PRAG1: variants seen among roughly 807,000 people sequenced by gnomAD.
The protein encoded by PRAG1 is inactive tyrosine-protein kinase PRAG1.
PRAG1 carries 110 observed loss-of-function variants against 95.6 expected under a neutral mutation model. The ratio of observed to expected loss-of-function variants is 1.15; its 90% CI spans 0.99 to 1.35. PRAG1 has a LOEUF of 1.35. PRAG1 is among the 40% of genes most tolerant of loss of function. PRAG1 has a pLI of 0.00. For missense variants in PRAG1, 2,554 were observed against 1,864.7 expected, an observed-to-expected ratio of 1.37 and a Z score of -6.81; for synonymous variants, 1,052 against 819.4, an observed-to-expected ratio of 1.28 and a Z score of -4.85.
At chr8:8,324,669 T>G (rs1188500684) in intron 5 of PRAG1, among the ~76,000 whole-genome samples, 1 of 152,200 alleles carries the variant, frequency 6.6e-6, no homozygotes, top group South Asian at 2.1e-4. Context: ...AGCTCAAGTT[T>G]CTAACGTTTT....
Position 8,318,691 on chromosome 8 carries a change from TG to T in PRAG1, c.3683del (p.Pro1228GlnfsTer130). ...LKAKQKPGGT[P>X]NLQQKKSQAR... Reference sequence around the variant, plus strand: ...CCTGGCTCTTCTTCTGCTGCAGGTTTGGGGTGCCGCCCGGCTTCTGCTTGGC... The same window carrying T: ...CCTGGCTCTTCTTCTGCTGCAGGTTTGGGTGCCGCCCGGCTTCTGCTTGGC... On this transcript the variant is annotated frameshift_variant, in exon 6 of 6. Transcript: ENST00000615670. LOFTEE classifies it high-confidence loss of function. This position sits in a 1 kb window ranked among gnomAD's most constrained non-coding sequence, Gnocchi z 4.2. The T allele has an allele frequency of 6.2e-7, 1 of 1,610,768 alleles. No homozygotes were observed.
At chr8:8,326,630 G>A (rs1037908870) in intron 5 of PRAG1, among the ~76,000 whole-genome samples, 1 of 152,230 alleles carries the variant, frequency 6.6e-6, no homozygotes, top group Non-Finnish European at 1.5e-5. Flanking sequence ...CTCTGACAGT[G>A]CAATACAGTG....
At chr8:8,346,575 A>C (rs866392087) in intron 3 of PRAG1, among the ~76,000 whole-genome samples, 12 of 152,160 alleles carry the variant, frequency 7.9e-5, no homozygotes, top group Non-Finnish European at 1.6e-4. Flanking sequence ...GCTGGAAAAA[A>C]AGACTCCAGC....
In PRAG1 at chr8:8,376,397, C is replaced by G; in HGVS notation, c.2012G>C (p.Trp671Ser). ...GPTDHSNSTT[W>S]HRLHPTDGSS... is the part of the protein sequence containing the mutation. ...GCCATCTGTGGGGTGGAGACGGTGC[C>G]AGGTCGTGGAGTTTGAATGGTCCGT... The change falls in exon 3 of 6, where the codon TGG becomes TCG. Residue 671 changes from tryptophan (W) to serine (S), a missense_variant. Transcript: ENST00000615670. 6.2e-7 allele frequency: 1 copy of G among 1,614,200 alleles called. No individual in the cohort carries two copies. Among genetic ancestry groups the G allele is most frequent in the African/African-American group, 1.3e-5 (1 of 75,048 alleles).
intron 5 of PRAG1, among the ~76,000 whole-genome samples, chr8:8,324,378 A>G (rs1013271850): frequency 6.6e-6 from 1 of 152,232 alleles, no homozygotes; most frequent in Non-Finnish European, 1.5e-5. Flanking sequence ...ATGCATTTCA[A>G]AATCAGTGCA....
At chr8:8,330,051 T>C (rs1381549614) in intron 4 of PRAG1, among the ~76,000 whole-genome samples, 2 of 152,178 alleles carry the variant, frequency 1.3e-5, no homozygotes, top group Admixed American at 1.3e-4. Flanking sequence ...AATATCCTCC[T>C]TGGCTCTATC....
chr8:8,366,382 T>C (rs2979237), intron 3 of PRAG1, among the ~76,000 whole-genome samples: 99,859 of 150,286 alleles, frequency 0.66, 33,309 homozygotes, highest in Non-Finnish European at 0.68. Context: ...GGCATGATCT[T>C]GGCTCACTGC....
Position 8,318,202 on chromosome 8 carries a change from C to G in PRAG1, c.4173G>C (p.Ala1391=), listed in dbSNP as rs202157019. Reference sequence around the variant, plus strand: ...GCGACTGTAAGAGGGCCCCGGGCTCCGCAGACGCCAGGTACTGGCAGCAAA... The same window carrying G: ...GCGACTGTAAGAGGGCCCCGGGCTCGGCAGACGCCAGGTACTGGCAGCAAA... The part of the protein sequence containing the change: ...DWLCCQYLAS[A]EPGALLQSLK... The change falls in exon 6 of 6, where the codon GCG becomes GCC. Residue 1391 remains alanine, a synonymous_variant. Transcript: ENST00000615670. This position sits in a 1 kb window ranked among gnomAD's most constrained non-coding sequence, Gnocchi z 4.2. 1.9e-5 allele frequency: 30 copies of G among 1,614,076 alleles called. 1 individual carries two copies. Among genetic ancestry groups the G allele is most frequent in the African/African-American group, 1.5e-4 (11 of 75,050 alleles).
At chr8:8,357,898 C>T (rs1027241911) in intron 3 of PRAG1, among the ~76,000 whole-genome samples, 1 of 152,160 alleles carries the variant, frequency 6.6e-6, no homozygotes, top group Non-Finnish European at 1.5e-5. Context: ...CTTCTGTGAC[C>T]TCAGATCTTG....
intron 4 of PRAG1, among the ~76,000 whole-genome samples, chr8:8,328,811 A>G (rs1426214370): frequency 6.6e-6 from 1 of 152,148 alleles, no homozygotes; most frequent in Non-Finnish European, 1.5e-5. Flanking sequence ...AATTACATAG[A>G]AAAGAGCAAA....
chr8:8,370,831 G>C (rs967160298), intron 3 of PRAG1, among the ~76,000 whole-genome samples: 1 of 152,184 alleles, frequency 6.6e-6, no homozygotes, highest in African/African-American at 2.4e-5. Flanking sequence ...TGTCTACTGA[G>C]AAGCAGCTCA....
intron 3 of PRAG1, among the ~76,000 whole-genome samples, chr8:8,372,048 T>C (rs749752675): frequency 5.3e-5 from 8 of 152,244 alleles, no homozygotes; most frequent in Non-Finnish European, 1.2e-4. Flanking sequence ...TTGAGGTTTC[T>C]TGGTGAAACG....
intron 2 of PRAG1, among the ~76,000 whole-genome samples, chr8:8,378,969 G>A (rs1050701403): frequency 6.6e-6 from 1 of 152,054 alleles, no homozygotes; most frequent in Non-Finnish European, 1.5e-5. Flanking sequence ...CCGGATCAGG[G>A]TGAGGGGTGG....
Position 8,328,474 on chromosome 8 carries a change from G to T in PRAG1, c.2321-13C>A. 6.2e-7 allele frequency: 1 copy of T among 1,612,686 alleles called. No homozygotes were observed. Among genetic ancestry groups the T allele is most frequent in the Non-Finnish European group, 8.5e-7 (1 of 1,179,784 alleles). On this transcript the variant is annotated splice_polypyrimidine_tract_variant and intron_variant, in intron 4 of 5. Coordinates refer to ENST00000615670, the MANE Select transcript of PRAG1 (RefSeq NM_001080826.3). ...TCAGACGAGGGACCTGAAGAGGAGAGACAGAAACCATAAGACCAAGGCCAG... is the reference window on the plus strand; with the variant it reads ...TCAGACGAGGGACCTGAAGAGGAGATACAGAAACCATAAGACCAAGGCCAG...
At chr8:8,323,461 G>A (rs573490740) in intron 5 of PRAG1, among the ~76,000 whole-genome samples, 1 of 152,162 alleles carries the variant, frequency 6.6e-6, no homozygotes, top group South Asian at 2.1e-4. Flanking sequence ...GGGATTACAG[G>A]TGCCTACCAC....
chr8:8,339,715 C>T, intron 3 of PRAG1, 80 bp from the exon 4 acceptor site: 1 of 1,428,906 alleles, frequency 7.0e-7, no homozygotes, highest in Non-Finnish European at 9.6e-7. Context: ...CATGAACTTA[C>T]CATGCTCTTG....
At chr8:8,320,144 G>T (rs1039612958) in intron 5 of PRAG1, among the ~76,000 whole-genome samples, 1 of 152,240 alleles carries the variant, frequency 6.6e-6, no homozygotes, top group African/African-American at 2.4e-5. Flanking sequence ...TCTGTGCACA[G>T]TATGGACAAA....
At chr8:8,332,718 T>G (rs188241259) in intron 4 of PRAG1, among the ~76,000 whole-genome samples, 1 of 149,116 alleles carries the variant, frequency 6.7e-6, no homozygotes, top group Non-Finnish European at 1.5e-5. Flanking sequence ...AAATAGATGC[T>G]AACATGCAGC....
intron 3 of PRAG1, among the ~76,000 whole-genome samples, chr8:8,367,628 T>C (rs1176057576): frequency 2.0e-5 from 3 of 152,012 alleles, no homozygotes; most frequent in African/African-American, 4.8e-5. Flanking sequence ...ACTGTTCTTG[T>C]ATGTATCTGG....
Sources: gnomAD v4.1 joint callset for allele counts (sites outside exome capture counted in the v4.1 genomes callset) on GRCh38, gnomAD v4.1.1 for gene constraint, Gnocchi (gnomAD v3.1) non-coding constraint, MANE v1.5 for transcripts, NCBI Gene and HGNC (gene_info 2026-07-23, HGNC 2026-07-21) for gene names.